The following CCDC83 variants were observed in gnomAD, a reference collection of about 807,000 sequenced individuals.
CCDC83 encodes coiled-coil domain containing 83.
Under a neutral mutation model 50.1 loss-of-function variants are expected in CCDC83, and 54 were observed. That is an observed-to-expected ratio of 1.08 (90% CI 0.87 to 1.35). CCDC83 has a LOEUF of 1.35. CCDC83 is among the 40% of genes most tolerant of loss of function. CCDC83 has a pLI of 0.00. For synonymous variants in CCDC83, 161 were observed against 153.3 expected, an observed-to-expected ratio of 1.05 and a Z score of -0.37; for missense variants, 518 against 473.9, an observed-to-expected ratio of 1.09 and a Z score of -0.86.
chr11:85,916,362 C>T, intron 10 of CCDC83, 129 bp downstream of exon 10: 2 of 744,376 alleles, frequency 2.7e-6, no homozygotes, highest in African/African-American at 1.8e-5. Flanking sequence ...GTAAAATTGG[C>T]CCACCATTCA....
At chr11:85,906,878 C>T (rs1336017110) in intron 7 of CCDC83, among the ~76,000 whole-genome samples, 1 of 149,330 alleles carries the variant, frequency 6.7e-6, no homozygotes, top group Non-Finnish European at 1.5e-5. Flanking sequence ...GAATGAGATC[C>T]TGTCTCAAAA....
At chr11:85,897,367 T>C (rs1565149487) in intron 6 of CCDC83, among the ~76,000 whole-genome samples, 1 of 152,200 alleles carries the variant, frequency 6.6e-6, no homozygotes, top group Non-Finnish European at 1.5e-5. Flanking sequence ...CACTAAACTA[T>C]ACATTTTCTT....
At chr11:85,862,608 G>A (rs1332449365) in intron 1 of CCDC83, among the ~76,000 whole-genome samples, 2 of 152,098 alleles carry the variant, frequency 1.3e-5, no homozygotes, top group Non-Finnish European at 2.9e-5. Context: ...TGACAGATTC[G>A]ACGTCTATTT....
chr11:85,917,054 T>A (rs988906097), intron 10 of CCDC83, among the ~76,000 whole-genome samples: 2 of 148,314 alleles, frequency 1.3e-5, no homozygotes, highest in African/African-American at 5.0e-5. Context: ...GAGGTTGCAG[T>A]GAGCAGAGAC....
intron 3 of CCDC83, among the ~76,000 whole-genome samples, chr11:85,879,598 G>T (rs1396323165): frequency 6.6e-6 from 1 of 151,676 alleles, no homozygotes; most frequent in Non-Finnish European, 1.5e-5. Flanking sequence ...AGTAAAATTT[G>T]ATAAGGATAA....
chr11:85,870,819 T>C (rs1021755909), intron 2 of CCDC83, among the ~76,000 whole-genome samples: 2 of 152,224 alleles, frequency 1.3e-5, no homozygotes, highest in Admixed American at 6.5e-5. Flanking sequence ...TTACTTCTTA[T>C]TATCCAGTAA....
At chr11:85,901,407 T>C (rs991278615) in intron 7 of CCDC83, among the ~76,000 whole-genome samples, 20 of 151,468 alleles carry the variant, frequency 1.3e-4, no homozygotes, top group Non-Finnish European at 2.8e-4. Flanking sequence ...ACCCCATCTA[T>C]ACAAAAAATA....
chr11:85,917,164 GAGAGAA>G (rs771463839), intron 10 of CCDC83, among the ~76,000 whole-genome samples: 16 of 76,564 alleles, frequency 2.1e-4, no homozygotes, highest in South Asian at 8.5e-4. Flanking sequence ...GAGAGAGAGA[GAGAGAA>G]AGAAAGAAAG....
chr11:85,901,796 G>A (rs7108491), intron 7 of CCDC83, among the ~76,000 whole-genome samples: 55,807 of 151,656 alleles, frequency 0.37, 11,294 homozygotes, highest in African/African-American at 0.52. Flanking sequence ...TGGGAAGCTG[G>A]GGTGGGAGGA....
At chr11:85,916,431 C>A in intron 10 of CCDC83, 198 bp downstream of exon 10, 1 of 560,162 alleles carries the variant, frequency 1.8e-6, no homozygotes, top group Non-Finnish European at 3.2e-6. Flanking sequence ...TACCTATATT[C>A]CTCTATAGGC....
At chr11:85,881,677 C>T (rs1056498204) in intron 3 of CCDC83, among the ~76,000 whole-genome samples, 1 of 152,152 alleles carries the variant, frequency 6.6e-6, no homozygotes, top group Non-Finnish European at 1.5e-5. Context: ...GCTCTGCCTC[C>T]CAAAGCACTG....
intron 5 of CCDC83, among the ~76,000 whole-genome samples, chr11:85,887,995 C>T (rs2093335098): frequency 6.6e-6 from 1 of 151,958 alleles, no homozygotes; most frequent in Non-Finnish European, 1.5e-5. Flanking sequence ...GTAGAGGTCT[C>T]ACTGTGTTTC....
chr11:85,905,689 G>A (rs1213370985), intron 7 of CCDC83, among the ~76,000 whole-genome samples: 1 of 151,312 alleles, frequency 6.6e-6, no homozygotes, highest in Non-Finnish European at 1.5e-5. Context: ...ATTAGGGAGG[G>A]CCAGGCGCAG....
At chr11:85,878,624 A>G (rs2093281644) in intron 3 of CCDC83, among the ~76,000 whole-genome samples, 1 of 152,250 alleles carries the variant, frequency 6.6e-6, no homozygotes, top group Non-Finnish European at 1.5e-5. Context: ...CATTTTACAT[A>G]AAGCTAATAT....
In CCDC83 at chr11:85,895,276, T is replaced by TTC. The variant is rs2093368399; in HGVS notation, c.512-16_512-15insCT. On this transcript the variant is annotated splice_polypyrimidine_tract_variant and intron_variant, in intron 5 of 10. Transcript: ENST00000342404. The stretch of plus-strand genomic sequence containing the variant: ...GGCTTTTAATTTTCTTTTTTTTTTT[T>TTC]TTTTTTTTTTTTAAAGAACACTATA... 2 of 771,550 alleles carry TTC rather than the reference T, an allele frequency of 2.6e-6. No homozygotes were observed. Among genetic ancestry groups the TTC allele is most frequent in the South Asian group, 3.6e-5 (2 of 54,840 alleles). 47.8% of individuals were successfully genotyped at this position (771,550 alleles called of 1,614,324 possible). A position where few individuals can be genotyped will look rare whatever the true frequency, so the allele number is the denominator to read the frequency against.
chr11:85,903,415 C>A (rs2093411220), intron 7 of CCDC83, among the ~76,000 whole-genome samples: 2 of 151,988 alleles, frequency 1.3e-5, no homozygotes. Flanking sequence ...GTACCTCAGC[C>A]TCCCAAGAAG....
At chr11:85,873,318 A>C in intron 3 of CCDC83, 23 bp downstream of exon 3, 1 of 954,682 alleles carries the variant, frequency 1.0e-6, no homozygotes, top group Non-Finnish European at 1.6e-6. Flanking sequence ...TTTAGAACCT[A>C]TATATAGTCA....
intron 1 of CCDC83, among the ~76,000 whole-genome samples, chr11:85,858,107 T>G (rs1467800361): frequency 6.6e-6 from 1 of 152,022 alleles, no homozygotes; most frequent in African/African-American, 2.4e-5. Context: ...TAGCTGAGGG[T>G]CAGCTGGTCA....
chr11:85,880,430 C>A (rs1431765171), intron 3 of CCDC83, among the ~76,000 whole-genome samples: 1 of 152,058 alleles, frequency 6.6e-6, no homozygotes, highest in Non-Finnish European at 1.5e-5. Flanking sequence ...CATGCACCAC[C>A]ACACCTGGCT....
Sources: allele counts gnomAD v4.1 joint callset (sites outside exome capture counted in the v4.1 genomes callset), GRCh38; gene constraint gnomAD v4.1.1; transcripts MANE v1.5; gene names NCBI Gene and HGNC (gene_info 2026-07-23, HGNC 2026-07-21).